The following LRRC49 variants were observed in gnomAD, a reference collection of about 807,000 sequenced individuals.
LRRC49 encodes leucine-rich repeat-containing protein 49.
In LRRC49, 50 loss-of-function variants were observed where a neutral mutation model predicts 83.3. That is an observed-to-expected ratio of 0.60 (90% CI 0.48 to 0.76). The LOEUF is 0.76. LRRC49 is among the 30% of genes least tolerant of loss of function. The probability of loss-of-function intolerance (pLI) is 0.00; values close to 1 mark genes in which losing one functional copy is unlikely to be tolerated. For missense variants in LRRC49, 704 were observed against 809.1 expected, an observed-to-expected ratio of 0.87 and a Z score of 1.58; for synonymous variants, 286 against 283.3, an observed-to-expected ratio of 1.01 and a Z score of -0.10.
At chr15:70,946,492 T>C (rs2036012404) in intron 8 of LRRC49, among the ~76,000 whole-genome samples, 1 of 152,136 alleles carries the variant, frequency 6.6e-6, no homozygotes, top group Non-Finnish European at 1.5e-5. Context: ...CCATTCATTA[T>C]TTAAAGATGC....
chr15:70,892,489 C>T, upstream of LRRC49: 1 of 1,528,538 alleles, frequency 6.5e-7, no homozygotes, highest in South Asian at 1.2e-5. Context: ...CCCTGCGCTG[C>T]TCCCCAGGAG....
In LRRC49 at chr15:70,884,980, T is replaced by C. The variant is rs141913639; in HGVS notation, c.19-8604T>C. ...TAACCTAGTTTTCCCACTTATTTTA[T>C]ATATAATCTGTTATTAAATATTCTA... is the stretch of plus-strand genomic sequence containing the variant. On this transcript the variant is annotated intron_variant, in intron 2 of 16. Transcript: ENST00000544974. 3.0e-3 allele frequency among the ~76,000 whole-genome samples: 450 copies of C among 152,286 alleles called. 3 individuals carry two copies. Among genetic ancestry groups the C allele is most frequent in the African/African-American group, 0.01 (428 of 41,584 alleles).
chr15:70,892,746 T>C, upstream of LRRC49: 4 of 1,541,598 alleles, frequency 2.6e-6, no homozygotes, highest in Non-Finnish European at 1.7e-6. Context: ...GCTCTATCGA[T>C]TCGGGAGAGG....
intron 11 of LRRC49, among the ~76,000 whole-genome samples, chr15:70,994,038 G>T (rs1400851597): frequency 1.3e-5 from 2 of 152,000 alleles, no homozygotes; most frequent in Non-Finnish European, 2.9e-5. Context: ...AAAGAGGCAG[G>T]GTTTCACCAT....
chr15:70,961,322 G>A (rs975200221), intron 8 of LRRC49, among the ~76,000 whole-genome samples: 1 of 152,186 alleles, frequency 6.6e-6, no homozygotes, highest in South Asian at 2.1e-4. Context: ...AGCCACTTTG[G>A]AAGATAGTTC....
chr15:70,947,042 AT>A, intron 8 of LRRC49, among the ~76,000 whole-genome samples: 1 of 151,904 alleles, frequency 6.6e-6, no homozygotes, highest in East Asian at 1.9e-4. Context: ...GATTAATAAT[AT>A]TTTTCTGCTA....
chr15:70,864,544 C>A (rs990241719), intron 1 of LRRC49, among the ~76,000 whole-genome samples: 1 of 152,198 alleles, frequency 6.6e-6, no homozygotes, highest in African/African-American at 2.4e-5. Context: ...TCTGCTCTGG[C>A]CATACTGAAT....
At chr15:70,889,114 G>A (rs549482495), upstream of LRRC49, among the ~76,000 whole-genome samples, 3 of 152,112 alleles carry the variant, frequency 2.0e-5, no homozygotes, top group East Asian at 1.9e-4. Flanking sequence ...GTGTGCACAC[G>A]TGGACCAAAA....
chr15:71,046,737 C>T (rs1453661165), intron 15 of LRRC49, among the ~76,000 whole-genome samples: 1 of 152,108 alleles, frequency 6.6e-6, no homozygotes, highest in African/African-American at 2.4e-5. Context: ...GTTTTTGTTG[C>T]AATTGCTTTT....
At chr15:71,014,915 C>T (rs774409801) in intron 14 of LRRC49, among the ~76,000 whole-genome samples, 3 of 152,102 alleles carry the variant, frequency 2.0e-5, no homozygotes, top group Non-Finnish European at 2.9e-5. Flanking sequence ...TGTTGACAAC[C>T]TTATTCCCAA....
rs141434252 is a variant in LRRC49 at position 70,920,310 on chromosome 15, A to G, written c.711+1117A>G. Among the ~76,000 whole-genome samples the G allele has an allele frequency of 4.9e-3, 745 of 152,302 alleles. 7 individuals carry two copies. The highest frequency in any genetic ancestry group is 0.017 in the African/African-American group (708 of 41,572). On this transcript the variant is annotated intron_variant, in intron 7 of 15. Transcript: ENST00000260382. The stretch of plus-strand genomic sequence containing the variant: ...GAAGGTTTCCCAGAAAATATGAGTC[A>G]GGTAATACTCATCTCTTCTAGAAGG...
chr15:70,994,219 C>G (rs1274145805), intron 11 of LRRC49, among the ~76,000 whole-genome samples: 1 of 152,136 alleles, frequency 6.6e-6, no homozygotes, highest in Non-Finnish European at 1.5e-5. Context: ...AGTCAATTTG[C>G]TAATAACCTT....
chr15:70,937,831 G>GT (rs1031060874), intron 8 of LRRC49, among the ~76,000 whole-genome samples: 2 of 152,134 alleles, frequency 1.3e-5, no homozygotes, highest in Non-Finnish European at 1.5e-5. Context: ...AAATATTAAA[G>GT]TTTTTTTGAT....
At chr15:70,997,116 T>G (rs1383178855) in intron 11 of LRRC49, among the ~76,000 whole-genome samples, 3 of 152,226 alleles carry the variant, frequency 2.0e-5, no homozygotes, top group African/African-American at 4.8e-5. Context: ...GTCTGGTTGT[T>G]CTATCCATTA....
At chr15:70,977,367 G>A (rs1057285487) in intron 9 of LRRC49, among the ~76,000 whole-genome samples, 3 of 152,064 alleles carry the variant, frequency 2.0e-5, no homozygotes, top group Non-Finnish European at 4.4e-5. Flanking sequence ...TTTCCAGCTG[G>A]GCATTGGTGG....
chr15:70,853,812 C>G (rs933582336), intron 1 of LRRC49: 43 of 1,063,330 alleles, frequency 4.0e-5, no homozygotes, highest in Admixed American at 1.3e-4. Flanking sequence ...AGTTGTCGCG[C>G]GCAGTCAGCG....
chr15:70,987,699 G>C (rs1286138769), intron 11 of LRRC49, among the ~76,000 whole-genome samples: 10 of 151,928 alleles, frequency 6.6e-5, no homozygotes, highest in Non-Finnish European at 1.5e-5. Flanking sequence ...GTTTTCTCTT[G>C]CTTTTCTAGT....
chr15:70,878,154 A>G (rs1338148960), intron 2 of LRRC49, among the ~76,000 whole-genome samples: 1 of 152,156 alleles, frequency 6.6e-6, no homozygotes, highest in Non-Finnish European at 1.5e-5. Flanking sequence ...GTCTCAAAAT[A>G]AATAAATACA....
chr15:70,948,442 T>C (rs2036090431), intron 8 of LRRC49, among the ~76,000 whole-genome samples: 1 of 151,908 alleles, frequency 6.6e-6, no homozygotes, highest in African/African-American at 2.4e-5. Context: ...CTTGTATTAA[T>C]ATTACAGGGG....
Sources: allele counts gnomAD v4.1 joint callset (sites outside exome capture counted in the v4.1 genomes callset), GRCh38; gene constraint gnomAD v4.1.1; transcripts MANE v1.5; gene names NCBI Gene and HGNC (gene_info 2026-07-23, HGNC 2026-07-21).